The following ZMAT4 variants were observed in gnomAD, a reference collection of about 807,000 sequenced individuals.
ZMAT4 encodes zinc finger matrin-type protein 4.
Under a neutral mutation model 28.7 loss-of-function variants are expected in ZMAT4, and 17 were observed. That is an observed-to-expected ratio of 0.59 (90% CI 0.41 to 0.89). ZMAT4 has a LOEUF of 0.89. ZMAT4 is among the 40% of genes least tolerant of loss of function. ZMAT4 has a pLI of 0.00. For missense variants in ZMAT4, 240 were observed against 283.8 expected, an observed-to-expected ratio of 0.85 and a Z score of 1.11; for synonymous variants, 117 against 109.2, an observed-to-expected ratio of 1.07 and a Z score of -0.44.
chr8:40,820,828 TTTATGTG>T (rs1815769229), intron 2 of ZMAT4, among the ~76,000 whole-genome samples: 1 of 145,444 alleles, frequency 6.9e-6, no homozygotes, highest in African/African-American at 2.8e-5. Context: ...TATGTGTATG[TTTATGTG>T]TGTATGTGTG....
intron 5 of ZMAT4, among the ~76,000 whole-genome samples, chr8:40,663,506 GTGAA>G (rs376280893): frequency 6.6e-6 from 1 of 152,092 alleles, no homozygotes; most frequent in Non-Finnish European, 1.5e-5. Context: ...GTTTGAATAA[GTGAA>G]TGAATGAATG....
chr8:40,871,687 C>T (rs893648261), intron 1 of ZMAT4, among the ~76,000 whole-genome samples: 1 of 152,150 alleles, frequency 6.6e-6, no homozygotes, highest in African/African-American at 2.4e-5. Context: ...ACAACCCACC[C>T]GCTAGCTAGC....
intron 1 of ZMAT4, among the ~76,000 whole-genome samples, chr8:40,875,817 A>C (rs552338671): frequency 1.3e-4 from 20 of 152,294 alleles, no homozygotes; most frequent in African/African-American, 3.8e-4. Context: ...CATCTGGCCC[A>C]GGACCCAACC....
chr8:40,728,405 C>T (rs1811393891), intron 3 of ZMAT4, among the ~76,000 whole-genome samples: 1 of 152,198 alleles, frequency 6.6e-6, no homozygotes, highest in South Asian at 2.1e-4. Context: ...AAAATGTTTC[C>T]ATCTTGTGGG....
At chr8:40,848,779 TG>T (rs1816997819) in intron 1 of ZMAT4, among the ~76,000 whole-genome samples, 2 of 152,348 alleles carry the variant, frequency 1.3e-5, no homozygotes, top group South Asian at 2.1e-4. Flanking sequence ...CTATTACTCT[TG>T]GTAATACCAG....
At chr8:40,739,921 T>C (rs555495623) in intron 3 of ZMAT4, among the ~76,000 whole-genome samples, 1 of 152,350 alleles carries the variant, frequency 6.6e-6, no homozygotes, top group Middle Eastern at 3.4e-3. Context: ...CTGTGTTAGT[T>C]TGCTGACAAT....
intron 2 of ZMAT4, among the ~76,000 whole-genome samples, chr8:40,807,502 A>G (rs1244306302): frequency 3.9e-5 from 6 of 152,148 alleles, no homozygotes; most frequent in Non-Finnish European, 2.9e-5. Context: ...GTGGCTATGG[A>G]TGATCTAAGT....
intron 5 of ZMAT4, among the ~76,000 whole-genome samples, chr8:40,599,284 T>A (rs965517541): frequency 3.3e-5 from 5 of 152,202 alleles, no homozygotes; most frequent in African/African-American, 1.2e-4. Flanking sequence ...TAGTAGGTAT[T>A]CAATTTTGAT....
chr8:40,839,449 T>G (rs916004936), intron 1 of ZMAT4, among the ~76,000 whole-genome samples: 1 of 152,136 alleles, frequency 6.6e-6, no homozygotes, highest in Non-Finnish European at 1.5e-5. Context: ...TCAAACTGAG[T>G]GCTAGCTACA....
At chr8:40,855,593 A>T (rs1052463077) in intron 1 of ZMAT4, among the ~76,000 whole-genome samples, 21 of 152,240 alleles carry the variant, frequency 1.4e-4, no homozygotes, top group African/African-American at 4.3e-4. Flanking sequence ...TCTTGGTGAC[A>T]GTAAAATTTG....
At chr8:40,875,715 T>A (rs367865821) in intron 1 of ZMAT4, among the ~76,000 whole-genome samples, 1 of 151,956 alleles carries the variant, frequency 6.6e-6, no homozygotes. Flanking sequence ...GTCATGCTAC[T>A]CCCCCAGGAA....
chr8:40,764,704 A>T (rs930119389), intron 3 of ZMAT4, among the ~76,000 whole-genome samples: 4 of 152,236 alleles, frequency 2.6e-5, no homozygotes, highest in African/African-American at 9.6e-5. Flanking sequence ...CCTTCTGAGA[A>T]TACAGCGTGC....
At chr8:40,880,506 T>C (rs886099468) in intron 1 of ZMAT4, among the ~76,000 whole-genome samples, 1 of 152,082 alleles carries the variant, frequency 6.6e-6, no homozygotes, top group Non-Finnish European at 1.5e-5. Context: ...AGCTGGAAAA[T>C]GGCAACTCAT....
intron 1 of ZMAT4, among the ~76,000 whole-genome samples, chr8:40,839,770 G>A (rs1264113084): frequency 6.6e-6 from 1 of 152,198 alleles, no homozygotes. Context: ...TATAACACAT[G>A]GACATAGAGT....
chr8:40,631,291 G>A (rs547901772), intron 5 of ZMAT4, among the ~76,000 whole-genome samples: 1 of 152,106 alleles, frequency 6.6e-6, no homozygotes, highest in Non-Finnish European at 1.5e-5. Flanking sequence ...CCGAGTAGTT[G>A]GGACTACAGG....
intron 2 of ZMAT4, among the ~76,000 whole-genome samples, chr8:40,773,016 G>A (rs1170627992): frequency 6.6e-6 from 1 of 152,194 alleles, no homozygotes; most frequent in East Asian, 1.9e-4. Flanking sequence ...AGGGTCCCAG[G>A]GATGAGCCCT....
chr8:40,856,080 A>G (rs761533581), intron 1 of ZMAT4, among the ~76,000 whole-genome samples: 1 of 152,120 alleles, frequency 6.6e-6, no homozygotes, highest in Non-Finnish European at 1.5e-5. Flanking sequence ...GGGCCCCAGT[A>G]AATCTTGGTT....
chr8:40,864,013 C>T (rs1043925181), intron 1 of ZMAT4, among the ~76,000 whole-genome samples: 3 of 152,226 alleles, frequency 2.0e-5, no homozygotes, highest in Non-Finnish European at 4.4e-5. Flanking sequence ...TGGTGTCCAA[C>T]ATAGGGAAGG....
At chr8:40,671,901 T>G (rs115531884) in intron 5 of ZMAT4, among the ~76,000 whole-genome samples, 2,185 of 152,326 alleles carry the variant, frequency 0.014, 39 homozygotes, top group African/African-American at 0.049. Flanking sequence ...ATTGCCATGT[T>G]AAGAATGTAA....
Sources: allele counts gnomAD v4.1 joint callset (sites outside exome capture counted in the v4.1 genomes callset), GRCh38; gene constraint gnomAD v4.1.1; transcripts MANE v1.5; gene names NCBI Gene and HGNC (gene_info 2026-07-23, HGNC 2026-07-21).